Variants in KIF7 observed in about 807,000 individuals in gnomAD.
KIF7 encodes kinesin-like protein KIF7.
Under a neutral mutation model 135.7 loss-of-function variants are expected in KIF7, and 104 were observed. That is an observed-to-expected ratio of 0.77 (90% confidence interval 0.65 to 0.90). The LOEUF is 0.90. Among genes scored for constraint, KIF7 ranks in the 40% least tolerant of loss-of-function variants. KIF7 has a pLI of 0.00. For synonymous variants in KIF7, 883 were observed against 809.4 expected (o/e 1.09, Z -1.54); for missense variants, 2,005 against 1,839.1 (o/e 1.09, Z -1.65).
In KIF7 at chr15:89,628,398, G is replaced by A. The variant is rs1324415486; in HGVS notation, c.*21C>T. The stretch of plus-strand genomic sequence containing the variant: ...CAGCAGGCTCGGAGTCTCCCTCCAA[G>A]GCAGGGTCTGCCCCGAGGGCTTACA... On this transcript the variant is annotated 3_prime_UTR_variant, in exon 19 of 19. Transcript: ENST00000394412. 1.3e-6 allele frequency: 2 copies of A among 1,588,984 alleles called. No individual in the cohort carries two copies. Among genetic ancestry groups the A allele is most frequent in the Non-Finnish European group, 1.7e-6 (2 of 1,168,330 alleles).
intron 11 of KIF7, among the ~76,000 whole-genome samples, chr15:89,637,809 A>G (rs1476326041): frequency 7.3e-6 from 1 of 137,406 alleles, no homozygotes; most frequent in Non-Finnish European, 1.6e-5. Flanking sequence ...AATCCTCCCT[A>G]ACTCATTTTA....
chr15:89,657,600 G>T (rs534678603), upstream of KIF7, among the ~76,000 whole-genome samples: 6 of 152,060 alleles, frequency 3.9e-5, no homozygotes, highest in Non-Finnish European at 8.8e-5. Flanking sequence ...ATTAAAAGTA[G>T]CTGATTCCAT....
upstream of KIF7, among the ~76,000 whole-genome samples, chr15:89,658,004 A>G (rs963069411): frequency 6.6e-6 from 1 of 152,262 alleles, no homozygotes; most frequent in Non-Finnish European, 1.5e-5. Flanking sequence ...AACCAGATCT[A>G]TGACAGAGTA....
intron 16 of KIF7, 59 bp downstream of exon 16, chr15:89,630,228 G>GACACCTCCCC: frequency 6.6e-7 from 1 of 1,517,180 alleles, no homozygotes. Flanking sequence ...GCTGCCATGA[G>GACACCTCCCC]ACACCTCCCC....
chr15:89,636,350 G>A (rs1381744573), intron 11 of KIF7, among the ~76,000 whole-genome samples: 2 of 142,276 alleles, frequency 1.4e-5, no homozygotes, highest in African/African-American at 5.3e-5. Context: ...AATGTAAATG[G>A]ACTAAATGCT....
In KIF7 at chr15:89,633,917, C is replaced by T. The variant is rs754694050; in HGVS notation, c.2395-34G>A. ...CACACAGTCTTCACTGGGCCATGCA[C>T]GGGGCTACCGCGAGCCTGCCATAGT... is the stretch of plus-strand genomic sequence containing the variant. On this transcript the variant is annotated intron_variant, in intron 11 of 18. Coordinates refer to ENST00000394412, the MANE Select transcript of KIF7 (RefSeq NM_198525.3). 206 of 1,610,998 alleles carry T rather than the reference C, an allele frequency of 1.3e-4. 2 individuals carry two copies. The South Asian group carries it at 2.0e-3, about 15-fold the overall frequency.
chr15:89,619,556 A>G (rs981368303), intron 1 of KIF7: 41 of 740,414 alleles, frequency 5.5e-5, no homozygotes, highest in Non-Finnish European at 8.6e-6. Flanking sequence ...TAGTTTGTTA[A>G]GAGACACTTC....
rs1043090604 is a variant in KIF7, at chr15:89,648,759, C to G, written c.939G>C (p.Ser313=). The change falls in exon 5 of 19, where the codon TCG becomes TCC. Residue 313 remains serine (S), a synonymous_variant. Transcript: ENST00000394412. Reference sequence around the variant, plus strand: ...TCACCGTCTTGGCGTTCCCGCCCAGCGAGTCTTTGAGGATCCTGAGGGCGC... The same window carrying G: ...TCACCGTCTTGGCGTTCCCGCCCAGGGAGTCTTTGAGGATCCTGAGGGCGC... ...DSKITRILKD[S]LGGNAKTVMI... The G allele has an allele frequency of 1.3e-6, 2 of 1,534,972 alleles. No homozygotes were observed. Among genetic ancestry groups the G allele is most frequent in the Non-Finnish European group, 1.7e-6 (2 of 1,145,590 alleles).
intron 2 of KIF7, among the ~76,000 whole-genome samples, chr15:89,650,639 G>GAT (rs1331745587): frequency 1.7e-4 from 26 of 152,140 alleles, no homozygotes; most frequent in Admixed American, 1.2e-3. Flanking sequence ...TGATCCGCCG[G>GAT]CCTCAGCCTC....
In KIF7 at chr15:89,628,366, C is replaced by T. The variant is rs1963578528; in HGVS notation, c.*53G>A. ...TTCACAGAAGCAAAACAGGCAGCTG[C>T]CCCTTTCAGCAGGCTCGGAGTCTCC... On this transcript the variant is annotated 3_prime_UTR_variant, in exon 19 of 19. Transcript: ENST00000394412. 1 of 1,549,222 alleles carries T rather than the reference C, an allele frequency of 6.5e-7. No homozygotes were observed. The highest frequency in any genetic ancestry group is 2.0e-5 in the Admixed American group (1 of 49,924).
rs752763446 is a variant in KIF7 at position 89,618,217 on chromosome 15, G to A, written c.181-22C>T. 3.1e-6 allele frequency: 5 copies of A among 1,613,548 alleles called. No individual in the cohort carries two copies. The East Asian group carries it at 8.9e-5, about 29-fold the overall frequency. On this transcript the variant is annotated intron_variant and NMD_transcript_variant, in intron 1 of 2. Coordinates refer to the KIF7 transcript ENST00000558928. ...TCCCCTGAAAAAGGAGATGGTGAGTGTTATCTCTTTTTGTTTTTAATGCAA... is the reference window on the plus strand; with the variant it reads ...TCCCCTGAAAAAGGAGATGGTGAGTATTATCTCTTTTTGTTTTTAATGCAA...
chr15:89,656,701 A>G (rs1301359390), upstream of KIF7, among the ~76,000 whole-genome samples: 1 of 152,226 alleles, frequency 6.6e-6, no homozygotes, highest in Non-Finnish European at 1.5e-5. Flanking sequence ...TATCTGTCAG[A>G]TGCCAGGAGC....
At chr15:89,653,936 C>T (rs890818982) in intron 1 of KIF7, among the ~76,000 whole-genome samples, 1 of 152,174 alleles carries the variant, frequency 6.6e-6, no homozygotes, top group South Asian at 2.1e-4. Flanking sequence ...CACTCCCTGC[C>T]TAACCCCAAC....
At position 89,649,344 on chromosome 15, in the gene KIF7, C is replaced by G. The variant is rs1310326259; in HGVS notation, c.553G>C (p.Asp185His). The change falls in exon 4 of 19, where the codon GAC (aspartate) becomes CAC (histidine). Residue 185 changes from aspartate (D) to histidine (H), a missense_variant. By Grantham distance (81) the Asp-to-His change is moderately conservative (BLOSUM62 -1). Coordinates refer to ENST00000394412, the MANE Select transcript of KIF7 (RefSeq NM_198525.3). Reference protein sequence around the residue: ...NVVLCGVKEVDVEGLDEVLSL... With the variant: ...NVVLCGVKEVHVEGLDEVLSL... Reference sequence around the variant, plus strand: ...AGCACCTCATCCAGGCCCTCCACGTCGACCTCCTTCACCCCGCACAGCACT... The same window carrying G: ...AGCACCTCATCCAGGCCCTCCACGTGGACCTCCTTCACCCCGCACAGCACT... The G allele has an allele frequency of 1.4e-6, 2 of 1,466,324 alleles. No individual in the cohort carries two copies. Among genetic ancestry groups the G allele is most frequent in the Non-Finnish European group, 1.8e-6 (2 of 1,104,334 alleles). The allele number at this position is 1,466,324 out of a possible 1,614,324, so 90.8% of individuals were successfully genotyped here. A position where few individuals can be genotyped will look rare whatever the true frequency, so the allele number is the denominator to read the frequency against.
At position 89,649,206 on chromosome 15, in the gene KIF7, C is replaced by T; in HGVS notation, c.691G>A (p.Ala231Thr). 2 of 1,545,022 alleles carry T rather than the reference C, an allele frequency of 1.3e-6. No homozygotes were observed. The highest frequency in any genetic ancestry group is 1.2e-5 in the South Asian group (1 of 83,878). ...GCGGGGCGGGGTAGGCGGCTGGGGG[C>T]GCGCCCCCGCTGCTCCAGGGTCACG... ...FTVTLEQRGR[A>T]PSRLPRPAPG... Residue 231 changes from alanine to threonine, a missense_variant, in exon 4 of 19, where the codon GCC (alanine) becomes ACC (threonine). Coordinates refer to ENST00000394412, the MANE Select transcript of KIF7 (RefSeq NM_198525.3).
At chr15:89,623,501 C>T, downstream of KIF7, 1 of 1,046,912 alleles carries the variant, frequency 9.6e-7, no homozygotes, top group Non-Finnish European at 1.4e-6. Flanking sequence ...TTGAGATTTC[C>T]ATCTTTAGAT....
At chr15:89,636,352 C>T (rs1357977738) in intron 11 of KIF7, among the ~76,000 whole-genome samples, 1 of 141,900 alleles carries the variant, frequency 7.0e-6, no homozygotes, top group Non-Finnish European at 1.5e-5. Context: ...TGTAAATGGA[C>T]TAAATGCTCC....
downstream of KIF7, chr15:89,625,889 G>C (rs199510924): frequency 1.9e-6 from 3 of 1,543,698 alleles, no homozygotes; most frequent in Non-Finnish European, 2.6e-6. Flanking sequence ...TGGGCTTCCC[G>C]GTTGGGGGTC....
chr15:89,620,231 C>T (rs1963402439), intron 1 of KIF7, among the ~76,000 whole-genome samples: 1 of 152,120 alleles, frequency 6.6e-6, no homozygotes, highest in Non-Finnish European at 1.5e-5. Context: ...TTTTTTGAGA[C>T]AAGGTCTCAC....
Sources: allele counts gnomAD v4.1 joint callset (sites outside exome capture counted in the v4.1 genomes callset), GRCh38; gene constraint gnomAD v4.1.1; transcripts MANE v1.5; gene names NCBI Gene and HGNC (gene_info 2026-07-23, HGNC 2026-07-21).